The following ATP2A2 variants were observed in gnomAD, a reference collection of about 807,000 sequenced individuals.
The protein encoded by ATP2A2 is ATPase sarcoplasmic/endoplasmic reticulum Ca2+ transporting 2, also known as sarcoplasmic/endoplasmic reticulum calcium ATPase 2.
ATP2A2 carries 14 observed loss-of-function variants against 109.3 expected under a neutral mutation model. That is an observed-to-expected ratio of 0.13 (90% CI 0.08 to 0.20). The LOEUF (loss-of-function observed/expected upper bound fraction) is 0.20. ATP2A2 is among the 10% of genes least tolerant of loss of function. The probability of loss-of-function intolerance (pLI) is 1.00; values close to 1 mark genes in which losing one functional copy is unlikely to be tolerated. For missense variants in ATP2A2, 657 were observed against 1,321.6 expected (o/e 0.50, Z 7.80); for synonymous variants, 506 against 490.9 (o/e 1.03, Z -0.41).
At chr12:110,282,036 A>T in intron 1 of ATP2A2, 129 bp downstream of exon 1, 1 of 640,518 alleles carries the variant, frequency 1.6e-6, no homozygotes, top group Non-Finnish European at 2.4e-6. Context: ...GGGTCGGGCC[A>T]GCGCGCCGGC....
In ATP2A2 at chr12:110,327,492, G is replaced by A. The variant is rs149129262; in HGVS notation, c.631-61G>A. On this transcript the variant is annotated intron_variant, in intron 7 of 19. Transcript: ENST00000539276. This position sits in a 1 kb window ranked among gnomAD's most constrained non-coding sequence, Gnocchi z 4.4. ...CTGGGTGCCCTAGTCAAAAACCAGC[G>A]TCGGTATTTAAGTTGGGATGTGGTA... 1.9e-4 allele frequency: 280 copies of A among 1,511,048 alleles called. 1 individual carries two copies. The highest frequency in any genetic ancestry group is 1.8e-3 in the Admixed American group (108 of 59,864). 93.6% of individuals were successfully genotyped at this position (1,511,048 alleles called of 1,614,324 possible). A position where few individuals can be genotyped will look rare whatever the true frequency, so the allele number is the denominator to read the frequency against.
chr12:110,296,820 A>T, intron 5 of ATP2A2, 83 bp downstream of exon 5: 1 of 1,449,958 alleles, frequency 6.9e-7, no homozygotes, highest in Non-Finnish European at 9.5e-7. Flanking sequence ...AATTATATTT[A>T]AAATAATTGT....
At chr12:110,326,324 T>A (rs1458828482) in intron 6 of ATP2A2, 66 bp from the exon 7 acceptor site, 1 of 1,430,824 alleles carries the variant, frequency 7.0e-7, no homozygotes, top group African/African-American at 1.4e-5. Context: ...TGGGCATGAA[T>A]GAGAGGTTCT....
chr12:110,349,537 C>T lies in ATP2A2; in HGVS notation c.*3067C>T, dbSNP rs920623757. The T allele has an allele frequency of 4.1e-6, 4 of 986,264 alleles. No homozygotes were observed. The highest frequency in any genetic ancestry group is 1.7e-5 in the African/African-American group (1 of 57,238). 61.1% of individuals were successfully genotyped at this position (986,264 alleles called of 1,614,324 possible). The stretch of plus-strand genomic sequence containing the variant: ...GAAGCTGTCCCTTGAGCTCAGTGAG[C>T]TCCCAGGCAAGCAGGGCATCTGGCC... On this transcript the variant is annotated 3_prime_UTR_variant, in exon 20 of 20. Coordinates refer to ENST00000539276, the MANE Select transcript of ATP2A2 (RefSeq NM_170665.4).
intron 6 of ATP2A2, among the ~76,000 whole-genome samples, chr12:110,325,618 A>G (rs900423390): frequency 2.1e-5 from 3 of 144,902 alleles, no homozygotes; most frequent in African/African-American, 7.7e-5. Context: ...ACAAAGCAAG[A>G]CTCCGTCTCA....
chr12:110,319,323 T>A (rs556470159), intron 5 of ATP2A2, among the ~76,000 whole-genome samples: 14 of 151,502 alleles, frequency 9.2e-5, no homozygotes, highest in Non-Finnish European at 2.1e-4. Flanking sequence ...AGATAACTCT[T>A]CTTGTCGTTT....
At chr12:110,292,724 C>G (rs1873451642) in intron 4 of ATP2A2, among the ~76,000 whole-genome samples, 1 of 152,120 alleles carries the variant, frequency 6.6e-6, no homozygotes, top group Admixed American at 6.5e-5. Flanking sequence ...GAGGTCAAGA[C>G]TGTAGTGAGC....
intron 5 of ATP2A2, among the ~76,000 whole-genome samples, chr12:110,307,529 C>T (rs1875499756): frequency 6.6e-6 from 1 of 152,100 alleles, no homozygotes; most frequent in Non-Finnish European, 1.5e-5. Context: ...CCACCGTGCC[C>T]AGCAATAATA....
chr12:110,320,654 A>G (rs1023683735), intron 5 of ATP2A2, among the ~76,000 whole-genome samples: 2 of 152,238 alleles, frequency 1.3e-5, no homozygotes, highest in African/African-American at 4.8e-5. Flanking sequence ...GAATTATATT[A>G]AAATGAAAGG....
At chr12:110,313,775 A>G (rs1022134920) in intron 5 of ATP2A2, among the ~76,000 whole-genome samples, 7 of 148,948 alleles carry the variant, frequency 4.7e-5, no homozygotes, top group South Asian at 2.1e-4. Context: ...CAGTGGTGCA[A>G]TCTTGGACCA....
chr12:110,332,459 C>G, intron 8 of ATP2A2, 138 bp from the exon 9 acceptor site: 3 of 767,362 alleles, frequency 3.9e-6, no homozygotes, highest in South Asian at 1.4e-5. Flanking sequence ...CTGAGTGAGC[C>G]TCAGTGAGTT....
chr12:110,296,439 C>G, intron 4 of ATP2A2, 160 bp from the exon 5 acceptor site: 1 of 919,208 alleles, frequency 1.1e-6, no homozygotes, highest in Non-Finnish European at 1.7e-6. Context: ...TAATAAATGT[C>G]CTTGTGTCTG....
In ATP2A2 at chr12:110,327,719, T is replaced by A. The variant is rs1877946484; in HGVS notation, c.797T>A (p.Leu266His). 1 of 1,614,052 alleles carries A rather than the reference T, an allele frequency of 6.2e-7. No homozygotes were observed. The highest frequency in any genetic ancestry group is 1.1e-5 in the South Asian group (1 of 91,088). The change falls in exon 8 of 20, where the codon CTT (leucine) becomes CAT (histidine). Residue 266 changes from leucine (L) to histidine (H), a missense_variant. Leu to His is a moderately conservative substitution (Grantham distance 99). Coordinates refer to ENST00000539276, the MANE Select transcript of ATP2A2 (RefSeq NM_170665.4). The surrounding 1 kb of genome is among the most constrained non-coding windows in gnomAD (Gnocchi z 4.4). ...GAACAGCTTTCCAAAGTCATCTCCC[T>A]TATTTGCATTGCAGTCTGGATCATA... is the stretch of plus-strand genomic sequence containing the variant. ...FGEQLSKVISLICIAVWIINI... is the reference protein window; with the variant it reads ...FGEQLSKVISHICIAVWIINI...
In ATP2A2 at chr12:110,350,087, A is replaced by G; in HGVS notation, c.*3617A>G. 6.9e-7 allele frequency: 1 copy of G among 1,455,292 alleles called. No homozygotes were observed. The highest frequency in any genetic ancestry group is 9.0e-7 in the Non-Finnish European group (1 of 1,109,110). 90.1% of individuals were successfully genotyped at this position (1,455,292 alleles called of 1,614,324 possible). On this transcript the variant is annotated 3_prime_UTR_variant, in exon 20 of 20. Coordinates refer to ENST00000539276, the MANE Select transcript of ATP2A2 (RefSeq NM_170665.4). ...CCAGACGACACGAGGAGTCTGTGTC[A>G]CTGAGCCAGTGCTTCTAGATGCTAC...
At chr12:110,315,871 G>A (rs1566220448) in intron 5 of ATP2A2, among the ~76,000 whole-genome samples, 1 of 152,154 alleles carries the variant, frequency 6.6e-6, no homozygotes, top group Admixed American at 6.5e-5. Flanking sequence ...CCCAGGAGGC[G>A]GGGGTTGCAG....
Position 110,349,320 on chromosome 12 carries a change from A to C in ATP2A2, c.*2850A>C. 5.1e-6 allele frequency: 5 copies of C among 985,282 alleles called. No homozygotes were observed. The highest frequency in any genetic ancestry group is 6.0e-6 in the Non-Finnish European group (5 of 829,970). 61.0% of individuals were successfully genotyped at this position (985,282 alleles called of 1,614,324 possible). On this transcript the variant is annotated 3_prime_UTR_variant, in exon 20 of 20. Transcript: ENST00000539276. ...CCAGCCCCGCAATGTGCCTGCTGTC[A>C]GGCAGCTCTTGCCTGAAACTTACTT...
chr12:110,299,553 G>A (rs1050304527), intron 5 of ATP2A2, among the ~76,000 whole-genome samples: 4 of 152,160 alleles, frequency 2.6e-5, no homozygotes, highest in African/African-American at 9.7e-5. Context: ...AATCTCCATT[G>A]GGTACAGAGT....
chr12:110,332,469 T>C, intron 8 of ATP2A2, 128 bp from the exon 9 acceptor site: 3 of 827,434 alleles, frequency 3.6e-6, no homozygotes, highest in Non-Finnish European at 6.3e-6. Context: ...CTCAGTGAGT[T>C]TTATTAAAGT....
intron 5 of ATP2A2, among the ~76,000 whole-genome samples, chr12:110,299,026 G>A (rs1874268181): frequency 6.6e-6 from 1 of 152,086 alleles, no homozygotes; most frequent in Admixed American, 6.6e-5. Flanking sequence ...CTGGAGTGCA[G>A]TGGCACCATC....
Sources: gnomAD v4.1 joint callset for allele counts (sites outside exome capture counted in the v4.1 genomes callset) on GRCh38, gnomAD v4.1.1 for gene constraint, Gnocchi (gnomAD v3.1) non-coding constraint, MANE v1.5 for transcripts, NCBI Gene and HGNC (gene_info 2026-07-23, HGNC 2026-07-21) for gene names.